Variants in FBXO11 observed in about 807,000 individuals in gnomAD.
FBXO11 encodes F-box only protein 11.
Under a neutral mutation model 117.0 loss-of-function variants are expected in FBXO11, and 13 were observed. The ratio of observed to expected loss-of-function variants is 0.11; its 90% CI spans 0.07 to 0.18. The LOEUF (loss-of-function observed/expected upper bound fraction) is 0.18. Among genes scored for constraint, FBXO11 ranks in the 10% least tolerant of loss-of-function variants. The pLI is 1.00. For synonymous variants in FBXO11, 490 were observed against 380.5 expected (o/e 1.29, Z -3.35); for missense variants, 767 against 1,164.4 (o/e 0.66, Z 4.97).
At chr2:47,902,416 C>T (rs534229018) in intron 1 of FBXO11, among the ~76,000 whole-genome samples, 1 of 152,080 alleles carries the variant, frequency 6.6e-6, no homozygotes, top group Non-Finnish European at 1.5e-5. Flanking sequence ...AGAAATGCTC[C>T]CCCATGGAAA....
chr2:47,883,412 A>G, intron 1 of FBXO11: 1 of 352,586 alleles, frequency 2.8e-6, no homozygotes, highest in Non-Finnish European at 5.7e-6. Context: ...CCCCTAATCT[A>G]ACTCATCTCT....
intron 1 of FBXO11, among the ~76,000 whole-genome samples, chr2:47,900,907 T>C (rs1572933536): frequency 7.5e-6 from 1 of 133,004 alleles, no homozygotes; most frequent in East Asian, 2.0e-4. Flanking sequence ...TACACACATA[T>C]ATATGTATAT....
chr2:47,833,503 G>C (rs1225927666), intron 7 of FBXO11, among the ~76,000 whole-genome samples: 1 of 152,136 alleles, frequency 6.6e-6, no homozygotes, highest in East Asian at 1.9e-4. Context: ...ATCTTCATGA[G>C]GAGATAGAGG....
At chr2:47,895,414 T>C (rs1386789221) in intron 1 of FBXO11, among the ~76,000 whole-genome samples, 1 of 152,142 alleles carries the variant, frequency 6.6e-6, no homozygotes. Context: ...TAGGAGTACA[T>C]ACTGGGGGGT....
intron 1 of FBXO11, among the ~76,000 whole-genome samples, chr2:47,848,193 T>C (rs969042130): frequency 5.9e-5 from 9 of 151,920 alleles, no homozygotes; most frequent in Non-Finnish European, 1.2e-4. Flanking sequence ...ACTAAACCTT[T>C]ATCAGTTCTC....
Position 47,832,890 on chromosome 2 carries a change from A to G in FBXO11, c.1042-10T>C. 1 of 1,612,576 alleles carries G rather than the reference A, an allele frequency of 6.2e-7. No individual in the cohort carries two copies. Among genetic ancestry groups the G allele is most frequent in the South Asian group, 1.1e-5 (1 of 91,022 alleles). Reference sequence around the variant, plus strand: ...TGTCATCAGGGTTAAACTGAAAAGTAAAAATTTTGTTTGAAATAAACAATT... The same window carrying G: ...TGTCATCAGGGTTAAACTGAAAAGTGAAAATTTTGTTTGAAATAAACAATT... On this transcript the variant is annotated splice_polypyrimidine_tract_variant and intron_variant, in intron 8 of 22. Transcript: ENST00000403359.
intron 1 of FBXO11, among the ~76,000 whole-genome samples, chr2:47,878,165 C>A (rs1368941311): frequency 6.6e-6 from 1 of 152,064 alleles, no homozygotes; most frequent in Non-Finnish European, 1.5e-5. Context: ...CAGTTTTTTC[C>A]TGATTCAGCC....
chr2:47,864,402 A>G (rs1360843936), intron 1 of FBXO11, among the ~76,000 whole-genome samples: 2 of 152,238 alleles, frequency 1.3e-5, no homozygotes, highest in African/African-American at 4.8e-5. Flanking sequence ...AGCCTGGCCA[A>G]CATGGCAAAA....
intron 11 of FBXO11, among the ~76,000 whole-genome samples, chr2:47,828,103 C>G (rs887603651): frequency 2.0e-5 from 3 of 152,098 alleles, no homozygotes; most frequent in African/African-American, 4.8e-5. Flanking sequence ...CCTCAGCCTT[C>G]CAAGTAGCTA....
At chr2:47,902,949 A>G (rs1678410281) in intron 1 of FBXO11, among the ~76,000 whole-genome samples, 1 of 151,936 alleles carries the variant, frequency 6.6e-6, no homozygotes, top group African/African-American at 2.4e-5. Context: ...CCACACATAC[A>G]TTCTTAGCTT....
intron 1 of FBXO11, among the ~76,000 whole-genome samples, chr2:47,864,291 T>C (rs1290622854): frequency 6.6e-6 from 1 of 152,132 alleles, no homozygotes; most frequent in Non-Finnish European, 1.5e-5. Context: ...CAACTCATAA[T>C]TAAAGACAGG....
intron 11 of FBXO11, among the ~76,000 whole-genome samples, chr2:47,825,836 CAA>C (rs1400771719): frequency 6.6e-6 from 1 of 152,042 alleles, no homozygotes; most frequent in African/African-American, 2.4e-5. Context: ...CTTGGCCTCT[CAA>C]AGTGCTGGGA....
chr2:47,867,575 G>T (rs1675289516), intron 1 of FBXO11, among the ~76,000 whole-genome samples: 1 of 152,212 alleles, frequency 6.6e-6, no homozygotes, highest in East Asian at 1.9e-4. Flanking sequence ...ATATGAAAAA[G>T]GTTAAATGTT....
At chr2:47,892,674 T>A (rs1314436300) in intron 1 of FBXO11, among the ~76,000 whole-genome samples, 1 of 152,228 alleles carries the variant, frequency 6.6e-6, no homozygotes, top group Non-Finnish European at 1.5e-5. Context: ...ATCTCTGCAA[T>A]TGAGGTGCTT....
intron 1 of FBXO11, among the ~76,000 whole-genome samples, chr2:47,865,542 T>C (rs768848305): frequency 2.0e-4 from 30 of 152,214 alleles, no homozygotes; most frequent in Non-Finnish European, 4.1e-4. Flanking sequence ...GGAGCCTTCA[T>C]ACCAACTCTA....
Position 47,832,401 on chromosome 2 carries a change from T to C in FBXO11, c.1346A>G (p.Asn449Ser), listed in dbSNP as rs367629541. The change falls in exon 11 of 23, where the codon AAT (asparagine) becomes AGT (serine). Residue 449 changes from asparagine to serine, a missense_variant. Physicochemically the swap from Asn to Ser is conservative, Grantham distance 46. Around this residue, in one of 10 missense-constraint regions of FBXO11, gnomAD observed 33 missense variants for 66.1 expected, o/e 0.50. Coordinates refer to ENST00000403359, the MANE Select transcript of FBXO11 (RefSeq NM_001190274.2). ...AACATCACGTCCATGATGAATATGA[T>C]TCCGTCTAATAATTGGGTTTCCATG... is the stretch of plus-strand genomic sequence containing the variant. ...KNHGNPIIRR[N>S]HIHHGRDVGV... is the part of the protein sequence containing the mutation. 6.2e-7 allele frequency: 1 copy of C among 1,613,608 alleles called. No homozygotes were observed. The highest frequency in any genetic ancestry group is 8.5e-7 in the Non-Finnish European group (1 of 1,179,684).
chr2:47,852,542 A>G (rs996809996), intron 1 of FBXO11, among the ~76,000 whole-genome samples: 11 of 152,220 alleles, frequency 7.2e-5, no homozygotes, highest in African/African-American at 2.7e-4. Flanking sequence ...AAGCCAATAA[A>G]TGGTAGCAAA....
chr2:47,827,125 T>C (rs1313087384), intron 11 of FBXO11, among the ~76,000 whole-genome samples: 1 of 152,142 alleles, frequency 6.6e-6, no homozygotes, highest in Non-Finnish European at 1.5e-5. Context: ...TTCAAGAAAA[T>C]AAAGCAGCAA....
At chr2:47,833,512 G>T (rs1281901512) in intron 7 of FBXO11, among the ~76,000 whole-genome samples, 1 of 152,034 alleles carries the variant, frequency 6.6e-6, no homozygotes, top group Admixed American at 6.6e-5. Context: ...AGGAGATAGA[G>T]GAAGAAAGCA....
Sources: allele counts gnomAD v4.1 joint callset (sites outside exome capture counted in the v4.1 genomes callset), GRCh38; gene constraint gnomAD v4.1.1; regional missense constraint gnomAD v4.1.1; transcripts MANE v1.5; gene names NCBI Gene and HGNC (gene_info 2026-07-23, HGNC 2026-07-21).